The following DOCK11 variants were observed in gnomAD, a reference collection of about 807,000 sequenced individuals.
The protein encoded by DOCK11 is dedicator of cytokinesis 11.
A neutral mutation model predicts 169.1 loss-of-function variants in DOCK11; 70 were observed. The ratio of observed to expected loss-of-function variants is 0.41; its 90% CI spans 0.34 to 0.51. The LOEUF is 0.51. Ranked by LOEUF, DOCK11 falls within the 20% of genes least tolerant of loss-of-function variation. DOCK11 has a pLI of 0.10. For synonymous variants in DOCK11, 529 were observed against 541.3 expected (o/e 0.98, Z 0.32); for missense variants, 1,166 against 1,538.8 (o/e 0.76, Z 4.05).
chrX:118,519,552 A>C, intron 1 of DOCK11, among the ~76,000 whole-genome samples: 1 of 111,436 alleles, frequency 9.0e-6, no homozygotes. Flanking sequence ...ACAGAAAAGA[A>C]ATTTTAAGGT....
chrX:118,592,667 A>G (rs1481806415), intron 19 of DOCK11, among the ~76,000 whole-genome samples: 2 of 112,419 alleles, frequency 1.8e-5, no homozygotes, highest in Non-Finnish European at 3.8e-5. Context: ...CTAAGTTTGT[A>G]TGTCATGGCT....
chrX:118,655,011 A>G, intron 44 of DOCK11, 50 bp downstream of exon 44: 2 of 1,090,503 alleles, frequency 1.8e-6, no homozygotes, highest in Non-Finnish European at 2.5e-6. Context: ...TTAGCATAAT[A>G]GTTTTTTATC....
intron 1 of DOCK11, among the ~76,000 whole-genome samples, chrX:118,539,024 T>G (rs1198415205): frequency 9.0e-6 from 1 of 111,541 alleles, no homozygotes; most frequent in Middle Eastern, 4.2e-3. Context: ...CTTCTCATCT[T>G]TCTTCTTGGA....
At chrX:118,638,231 T>C (rs1381238546) in intron 37 of DOCK11, 104 bp downstream of exon 37, 3 of 711,285 alleles carry the variant, frequency 4.2e-6, no homozygotes, top group African/African-American at 4.3e-5. Flanking sequence ...TGAGTTAACA[T>C]TGGGATACCG....
At chrX:118,671,564 A>T (rs1429253478) in intron 46 of DOCK11, among the ~76,000 whole-genome samples, 1 of 112,360 alleles carries the variant, frequency 8.9e-6, no homozygotes, top group Non-Finnish European at 1.9e-5. Context: ...CCTGCTTATG[A>T]AAATAAAGTA....
At chrX:118,595,033 C>T (rs1433655673) in intron 20 of DOCK11, among the ~76,000 whole-genome samples, 3 of 111,189 alleles carry the variant, frequency 2.7e-5, no homozygotes, top group Admixed American at 1.9e-4. Flanking sequence ...GCCTTGAATA[C>T]CAGGCTATAG....
At chrX:118,496,835 G>A (rs1040037419) in intron 1 of DOCK11, among the ~76,000 whole-genome samples, 1 of 111,502 alleles carries the variant, frequency 9.0e-6, no homozygotes, top group Non-Finnish European at 1.9e-5. Flanking sequence ...GGGAAGACTG[G>A]GTGTGTCAGT....
At chrX:118,561,566 A>T (rs777265687) in intron 7 of DOCK11, 49 bp downstream of exon 7, 1 of 1,123,534 alleles carries the variant, frequency 8.9e-7, no homozygotes, top group African/African-American at 1.8e-5. Context: ...GGTTATTGAT[A>T]AACTTTTAAG....
chrX:118,561,136 A>G (rs770258862), intron 6 of DOCK11, among the ~76,000 whole-genome samples: 55 of 112,241 alleles, frequency 4.9e-4, no homozygotes, highest in Non-Finnish European at 1.9e-4. Context: ...TGCTTTATAC[A>G]TTTCAAAGTG....
At chrX:118,597,298 G>C in intron 20 of DOCK11, 133 bp from the exon 21 acceptor site, 1 of 817,907 alleles carries the variant, frequency 1.2e-6, no homozygotes, top group Non-Finnish European at 1.7e-6. Context: ...GTACTCAGTT[G>C]CCCAGCACCT....
At chrX:118,578,724 G>C in intron 13 of DOCK11, 77 bp downstream of exon 13, 1 of 980,427 alleles carries the variant, frequency 1.0e-6, no homozygotes, top group East Asian at 3.3e-5. Context: ...AAATGCCATT[G>C]CTTTGAGCAT....
At chrX:118,662,641 A>G in intron 44 of DOCK11, 45 bp from the exon 45 acceptor site, 3 of 760,017 alleles carry the variant, frequency 3.9e-6, no homozygotes, top group Non-Finnish European at 6.1e-6. Flanking sequence ...TATTTACTAA[A>G]TGCTTTCTCA....
chrX:118,661,490 C>T (rs2016213363), intron 44 of DOCK11, among the ~76,000 whole-genome samples: 1 of 111,167 alleles, frequency 9.0e-6, no homozygotes, highest in Non-Finnish European at 1.9e-5. Context: ...TTCTTCCTTC[C>T]CCAACCTCTA....
At chrX:118,546,691 G>A (rs944285772) in intron 6 of DOCK11, among the ~76,000 whole-genome samples, 2 of 111,937 alleles carry the variant, frequency 1.8e-5, no homozygotes, top group Non-Finnish European at 3.8e-5. Context: ...TTGAAACGTT[G>A]AAAAGGATAA....
At position 118,631,162 on chromosome X, in the gene DOCK11, G is replaced by A. The variant is rs1203792337; in HGVS notation, c.3886+672G>A. Among the ~76,000 whole-genome samples, 7 of 107,280 alleles carry A rather than the reference G, an allele frequency of 6.5e-5. 1 individual carries two copies. In the Admixed American group the frequency reaches 7.0e-4, roughly 11 times the overall value. The allele number at this position is 107,280 out of a possible 115,157, so 93.2% of individuals were successfully genotyped here. On this transcript the variant is annotated intron_variant, in intron 35 of 52. Coordinates refer to ENST00000276202, the MANE Select transcript of DOCK11 (RefSeq NM_144658.4). ...AGTTCCCTCCCTTCTCTTCCTTTTC[G>A]CAATACTTTTGCTTAAAAAAAAAAA...
At chrX:118,499,258 T>G (rs1484023236) in intron 1 of DOCK11, among the ~76,000 whole-genome samples, 1 of 112,145 alleles carries the variant, frequency 8.9e-6, no homozygotes, top group African/African-American at 3.2e-5. Flanking sequence ...ATGGCCGCCC[T>G]TTAGAGAAGC....
chrX:118,594,878 G>A (rs188508097), intron 20 of DOCK11, among the ~76,000 whole-genome samples: 1 of 110,392 alleles, frequency 9.1e-6, no homozygotes, highest in Non-Finnish European at 1.9e-5. Flanking sequence ...AGGGGATTAT[G>A]GGGTGAAGGA....
At chrX:118,630,640 C>T (rs1009813314) in intron 35 of DOCK11, 150 bp downstream of exon 35, 1 of 333,355 alleles carries the variant, frequency 3.0e-6, no homozygotes, top group Non-Finnish European at 5.3e-6. Context: ...TAAAATGTTT[C>T]TTAAATTGAA....
intron 44 of DOCK11, among the ~76,000 whole-genome samples, chrX:118,659,281 GT>G (rs201389863): frequency 0.011 from 1,238 of 111,659 alleles, 4 homozygotes; most frequent in Non-Finnish European, 0.016. Flanking sequence ...TAGAACAGCA[GT>G]CAGGAATACA....
Sources: gnomAD v4.1 joint callset for allele counts (sites outside exome capture counted in the v4.1 genomes callset) on GRCh38, gnomAD v4.1.1 for gene constraint, MANE v1.5 for transcripts, NCBI Gene and HGNC (gene_info 2026-07-23, HGNC 2026-07-21) for gene names.